Variants in NDUFA9 observed in about 807,000 individuals in gnomAD.
NDUFA9 encodes the protein NADH:ubiquinone oxidoreductase subunit A9.
In NDUFA9, 23 loss-of-function variants were observed where a neutral mutation model predicts 45.9. That is an observed-to-expected ratio of 0.50 (90% confidence interval 0.36 to 0.71). NDUFA9 has a LOEUF of 0.71. Among genes scored for constraint, NDUFA9 ranks in the 30% least tolerant of loss-of-function variants. NDUFA9 has a pLI of 0.00. For missense variants in NDUFA9, 466 were observed against 488.2 expected, an observed-to-expected ratio of 0.95 and a Z score of 0.43; for synonymous variants, 176 against 170.5, an observed-to-expected ratio of 1.03 and a Z score of -0.25.
chr12:4,682,676 A>G (rs16931634), intron 9 of NDUFA9, among the ~76,000 whole-genome samples: 16,559 of 152,228 alleles, frequency 0.11, 936 homozygotes, highest in Middle Eastern at 0.13. Flanking sequence ...TGATCATGCT[A>G]TTGGGGAAAG....
chr12:4,677,158 G>A (rs537116857), intron 8 of NDUFA9, among the ~76,000 whole-genome samples: 220 of 152,280 alleles, frequency 1.4e-3, no homozygotes, highest in Admixed American at 2.7e-3. Context: ...ACTCAAGATG[G>A]ATTAAAGACT....
intron 8 of NDUFA9, among the ~76,000 whole-genome samples, chr12:4,678,038 C>CA (rs1433255784): frequency 6.6e-6 from 1 of 152,136 alleles, no homozygotes; most frequent in African/African-American, 2.4e-5. Context: ...CAAACTAACA[C>CA]AAGAACAGAA....
chr12:4,660,421 T>C (rs1945816802), intron 5 of NDUFA9, among the ~76,000 whole-genome samples: 1 of 152,174 alleles, frequency 6.6e-6, no homozygotes, highest in African/African-American at 2.4e-5. Context: ...ATCTTCCAAG[T>C]AACTGGTATA....
chr12:4,662,654 T>C lies in NDUFA9; in HGVS notation c.655+19T>C. On this transcript the variant is annotated intron_variant, in intron 6 of 10. Transcript: ENST00000266544. Reference sequence around the variant, plus strand: ...TTTGCAAGTACGTATTCTTTCTTAATGGTAGAAGAGAGGGATACTGATTAA... The same window carrying C: ...TTTGCAAGTACGTATTCTTTCTTAACGGTAGAAGAGAGGGATACTGATTAA... 1 of 1,585,336 alleles carries C rather than the reference T, an allele frequency of 6.3e-7. No individual in the cohort carries two copies. Among genetic ancestry groups the C allele is most frequent in the Non-Finnish European group, 8.7e-7 (1 of 1,153,992 alleles).
At chr12:4,663,752 C>T (rs1282333073) in intron 6 of NDUFA9, among the ~76,000 whole-genome samples, 1 of 152,046 alleles carries the variant, frequency 6.6e-6, no homozygotes, top group Non-Finnish European at 1.5e-5. Context: ...ATTTTGGTAC[C>T]AAGAAGTGGG....
At chr12:4,651,705 A>T (rs958009816) in intron 1 of NDUFA9, among the ~76,000 whole-genome samples, 1 of 151,848 alleles carries the variant, frequency 6.6e-6, no homozygotes, top group Non-Finnish European at 1.5e-5. Context: ...CAGTTCATTG[A>T]CTCTGCCATC....
intron 8 of NDUFA9, among the ~76,000 whole-genome samples, chr12:4,679,055 T>C (rs532980820): frequency 2.6e-4 from 40 of 152,184 alleles, no homozygotes; most frequent in Non-Finnish European, 5.3e-4. Context: ...AAATAAAATA[T>C]AGTAGCATTC....
At chr12:4,681,437 G>A (rs186124138) in intron 8 of NDUFA9, among the ~76,000 whole-genome samples, 165 of 150,526 alleles carry the variant, frequency 1.1e-3, no homozygotes, top group East Asian at 7.2e-3. Context: ...CCAAAAATTC[G>A]TGAAGAAATG....
At chr12:4,673,616 CAAGAT>C (rs143029622) in intron 8 of NDUFA9, among the ~76,000 whole-genome samples, 59,169 of 151,454 alleles carry the variant, frequency 0.39, 11,658 homozygotes, top group Admixed American at 0.43. Context: ...AGTGAAAAGA[CAAGAT>C]AAGAGACAAA....
intron 5 of NDUFA9, among the ~76,000 whole-genome samples, chr12:4,661,967 A>G (rs984229847): frequency 6.6e-6 from 1 of 152,096 alleles, no homozygotes; most frequent in African/African-American, 2.4e-5. Flanking sequence ...ACATCATGTC[A>G]CCTCCAGTGG....
At position 4,682,265 on chromosome 12, in the gene NDUFA9, G is replaced by T. The variant is rs775365757; in HGVS notation, c.861G>T (p.Leu287Phe). The T allele has an allele frequency of 6.2e-7, 1 of 1,612,990 alleles. No homozygotes were observed. The highest frequency in any genetic ancestry group is 1.3e-5 in the African/African-American group (1 of 74,826). ...VKYIFAVAHR[L>F]FLPFPLPLFA... The stretch of plus-strand genomic sequence containing the variant: ...ACATCTTTGCTGTGGCTCACAGATT[G>T]TTCCTCCCATTCCCCTTGCCGCTTT... The change falls in exon 9 of 11, where the codon TTG becomes TTT. Residue 287 changes from leucine (L) to phenylalanine (F), a missense_variant. Transcript: ENST00000266544.
chr12:4,683,178 A>G (rs1945964008), intron 9 of NDUFA9, among the ~76,000 whole-genome samples: 1 of 69,148 alleles, frequency 1.4e-5, no homozygotes, highest in Admixed American at 1.8e-4. Flanking sequence ...CTGTCTCTGG[A>G]ACAAAAAAAA....
intron 8 of NDUFA9, among the ~76,000 whole-genome samples, chr12:4,681,993 A>G (rs1945955659): frequency 6.6e-6 from 1 of 152,230 alleles, no homozygotes; most frequent in East Asian, 1.9e-4. Context: ...TAAAAGCAGA[A>G]TAATGTATAT....
chr12:4,669,357 AAG>A (rs1945872503), intron 7 of NDUFA9, among the ~76,000 whole-genome samples: 1 of 152,336 alleles, frequency 6.6e-6, no homozygotes, highest in East Asian at 1.9e-4. Context: ...GATGGTTAAT[AAG>A]AGAGTTGGGA....
At chr12:4,672,467 A>G (rs1292106176) in intron 8 of NDUFA9, among the ~76,000 whole-genome samples, 1 of 152,198 alleles carries the variant, frequency 6.6e-6, no homozygotes, top group Non-Finnish European at 1.5e-5. Context: ...AGAGCCCAGC[A>G]AGCTAAGATC....
chr12:4,658,317 T>C (rs1030199886), intron 4 of NDUFA9, among the ~76,000 whole-genome samples: 2 of 152,254 alleles, frequency 1.3e-5, no homozygotes, highest in African/African-American at 4.8e-5. Flanking sequence ...ACACTTTGTT[T>C]ACACCTCTTT....
At chr12:4,664,090 TAGAAAA>T (rs1945839425) in intron 6 of NDUFA9, among the ~76,000 whole-genome samples, 1 of 152,136 alleles carries the variant, frequency 6.6e-6, no homozygotes, top group East Asian at 1.9e-4. Context: ...TACAACAGAA[TAGAAAA>T]AGAGAGAAAG....
chr12:4,678,923 A>T (rs1159068756), intron 8 of NDUFA9, among the ~76,000 whole-genome samples: 1 of 152,184 alleles, frequency 6.6e-6, no homozygotes, highest in Admixed American at 6.5e-5. Flanking sequence ...ACTCCTAGAT[A>T]TTTACCCAAA....
At chr12:4,649,769 A>G (rs1945745251) in intron 1 of NDUFA9, among the ~76,000 whole-genome samples, 1 of 152,180 alleles carries the variant, frequency 6.6e-6, no homozygotes, top group South Asian at 2.1e-4. Flanking sequence ...GTGATGTTTG[A>G]GGAGAGAAGA....
Sources: allele counts gnomAD v4.1 joint callset (sites outside exome capture counted in the v4.1 genomes callset), GRCh38; gene constraint gnomAD v4.1.1; transcripts MANE v1.5; gene names NCBI Gene and HGNC (gene_info 2026-07-23, HGNC 2026-07-21).